The following ALX4 variants were observed in gnomAD, a reference collection of about 807,000 sequenced individuals.
The protein encoded by ALX4 is ALX homeobox 4.
A neutral mutation model predicts 40.6 loss-of-function variants in ALX4; 22 were observed. That is an observed-to-expected ratio of 0.54 (90% CI 0.39 to 0.77). The LOEUF (loss-of-function observed/expected upper bound fraction) is 0.77. Ranked by LOEUF, ALX4 falls within the 30% of genes least tolerant of loss-of-function variation. The pLI is 0.00. For synonymous variants in ALX4, 266 were observed against 240.5 expected (o/e 1.11, Z -0.98); for missense variants, 556 against 564.8 (o/e 0.98, Z 0.16).
intron 1 of ALX4, among the ~76,000 whole-genome samples, chr11:44,288,228 A>G (rs1590697567): frequency 6.6e-6 from 1 of 152,166 alleles, no homozygotes; most frequent in South Asian, 2.1e-4. Context: ...TATCGTATGC[A>G]TGTATATCAA....
At position 44,264,938 on chromosome 11, in the gene ALX4, G is replaced by A. The variant is rs549463745; in HGVS notation, c.1152C>T (p.Gly384=). 16 of 1,613,040 alleles carry A rather than the reference G, an allele frequency of 9.9e-6. No individual in the cohort carries two copies. In the East Asian group the frequency reaches 1.3e-4, roughly 13 times the overall value. Residue 384 remains glycine, a synonymous_variant, in exon 4 of 4, where the codon GGC becomes GGT. Coordinates refer to ENST00000652299, the MANE Select transcript of ALX4 (RefSeq NM_021926.4). The part of the protein sequence containing the change: ...SPGLNGYELN[G]EPDRKTSSIA... Reference sequence around the variant, plus strand: ...TGCTCGAGGTCTTGCGGTCCGGCTCGCCGTTGAGCTCGTAGCCATTGAGGC... The same window carrying A: ...TGCTCGAGGTCTTGCGGTCCGGCTCACCGTTGAGCTCGTAGCCATTGAGGC...
Position 44,261,449 on chromosome 11 carries a change from C to T in ALX4, c.*3405G>A, listed in dbSNP as rs7115841. 3,900 of 152,320 alleles carry T rather than the reference C, an allele frequency of 0.026. 62 individuals are homozygous for T. Among genetic ancestry groups the T allele is most frequent in the Middle Eastern group, 0.037 (11 of 294 alleles). The allele number at this position is 152,320 out of a possible 1,614,324, so 9.4% of individuals were successfully genotyped here. ...AGTGTCTTTGAGCTAACCTGGCCAC[C>T]GTGCTTCCCGAAGCTGGAGGCACGG... On this transcript the variant is annotated 3_prime_UTR_variant, in exon 4 of 4. Transcript: ENST00000652299.
At chr11:44,286,859 C>A (rs1318633774) in intron 1 of ALX4, among the ~76,000 whole-genome samples, 1 of 152,212 alleles carries the variant, frequency 6.6e-6, no homozygotes, top group Non-Finnish European at 1.5e-5. Context: ...TCACTAGTGA[C>A]TGAGTGACAG....
At chr11:44,283,174 G>A (rs1200446769) in intron 1 of ALX4, among the ~76,000 whole-genome samples, 1 of 150,912 alleles carries the variant, frequency 6.6e-6, no homozygotes, top group Non-Finnish European at 1.5e-5. Flanking sequence ...TTGAACACGG[G>A]AGGTGCAGAT....
intron 1 of ALX4, among the ~76,000 whole-genome samples, chr11:44,276,621 C>T (rs1956279675): frequency 1.3e-5 from 2 of 152,242 alleles, no homozygotes; most frequent in Non-Finnish European, 2.9e-5. Flanking sequence ...GACACACTCA[C>T]CTCCTGGCAG....
intron 3 of ALX4, among the ~76,000 whole-genome samples, chr11:44,266,652 A>G (rs1479830790): frequency 1.3e-5 from 2 of 152,184 alleles, no homozygotes; most frequent in African/African-American, 4.8e-5. Context: ...AGGCCATGCC[A>G]GAATGAGGCC....
chr11:44,275,267 G>T, intron 2 of ALX4, 81 bp downstream of exon 2: 1 of 1,467,416 alleles, frequency 6.8e-7, no homozygotes, highest in Non-Finnish European at 9.5e-7. Context: ...TTGGTGGGCA[G>T]TCAGGAGACC....
intron 1 of ALX4, among the ~76,000 whole-genome samples, chr11:44,283,047 G>A (rs1197942755): frequency 6.6e-6 from 1 of 152,124 alleles, no homozygotes; most frequent in Non-Finnish European, 1.5e-5. Context: ...AGGAGTTTGA[G>A]ACCAGCCTGG....
At chr11:44,271,773 C>T (rs1956248855) in intron 2 of ALX4, among the ~76,000 whole-genome samples, 1 of 152,158 alleles carries the variant, frequency 6.6e-6, no homozygotes, top group Non-Finnish European at 1.5e-5. Flanking sequence ...CTGAAAAATG[C>T]TCTGTGCGCC....
intron 2 of ALX4, among the ~76,000 whole-genome samples, chr11:44,270,088 G>A (rs1051414591): frequency 7.2e-5 from 11 of 152,164 alleles, no homozygotes; most frequent in African/African-American, 1.9e-4. Context: ...GGGCGGGGAG[G>A]GACCCCGAAG....
chr11:44,261,685 C>G lies in ALX4; in HGVS notation c.*3169G>C, dbSNP rs1956183247. The stretch of plus-strand genomic sequence containing the variant: ...TTGCCATGCTGAGACCTGTGCCCAG[C>G]AGGGACTGGAGGCTGTCAGTGTGGG... On this transcript the variant is annotated 3_prime_UTR_variant, in exon 4 of 4. Coordinates refer to ENST00000652299, the MANE Select transcript of ALX4 (RefSeq NM_021926.4). 6.6e-6 allele frequency: 1 copy of G among 152,234 alleles called. No homozygotes were observed. The highest frequency in any genetic ancestry group is 1.5e-5 in the Non-Finnish European group (1 of 68,062). 9.4% of individuals were successfully genotyped at this position (152,234 alleles called of 1,614,324 possible). A position where few individuals can be genotyped will look rare whatever the true frequency, so the allele number is the denominator to read the frequency against.
intron 2 of ALX4, among the ~76,000 whole-genome samples, chr11:44,273,934 CAG>C (rs1423566391): frequency 6.6e-6 from 1 of 152,030 alleles, no homozygotes; most frequent in African/African-American, 2.4e-5. Context: ...CGCTGGGTGA[CAG>C]AGAGAGACCC....
chr11:44,269,857 C>T (rs1332454382), intron 2 of ALX4, among the ~76,000 whole-genome samples: 4 of 152,230 alleles, frequency 2.6e-5, no homozygotes, highest in East Asian at 1.9e-4. Flanking sequence ...GGCTTAGCTC[C>T]GTCTTTCCGC....
In ALX4 at chr11:44,260,966, C is replaced by CT. The variant is rs1956178865; in HGVS notation, c.*3887dup. ...CCTTCAAAATCAGTAGTATAAAGGC[C>CT]TAGCTCTATGTGTGTGAGTGAAGAG... On this transcript the variant is annotated 3_prime_UTR_variant, in exon 4 of 4. Coordinates refer to ENST00000652299, the MANE Select transcript of ALX4 (RefSeq NM_021926.4). 1 of 152,116 alleles carries CT rather than the reference C, an allele frequency of 6.6e-6. No homozygotes were observed. Among genetic ancestry groups the CT allele is most frequent in the Non-Finnish European group, 1.5e-5 (1 of 68,028 alleles). 9.4% of individuals were successfully genotyped at this position (152,116 alleles called of 1,614,324 possible). A position where few individuals can be genotyped will look rare whatever the true frequency, so the allele number is the denominator to read the frequency against.
intron 1 of ALX4, among the ~76,000 whole-genome samples, chr11:44,287,395 C>T (rs1956345066): frequency 2.0e-5 from 3 of 152,068 alleles, no homozygotes; most frequent in Admixed American, 2.0e-4. Context: ...AGCCTCTTTA[C>T]AACCGCCAGG....
chr11:44,274,644 C>A (rs1389267867), intron 2 of ALX4, among the ~76,000 whole-genome samples: 1 of 147,760 alleles, frequency 6.8e-6, no homozygotes, highest in Non-Finnish European at 1.5e-5. Context: ...TTGGGTTGCA[C>A]TGAGTTGGGT....
intron 1 of ALX4, among the ~76,000 whole-genome samples, chr11:44,291,282 T>C (rs1227771043): frequency 1.3e-5 from 2 of 152,212 alleles, no homozygotes; most frequent in African/African-American, 4.8e-5. Context: ...CTTTAGACTG[T>C]GCCCTCACCA....
chr11:44,264,941 G>T lies in ALX4; in HGVS notation c.1149C>A (p.Asn383Lys). 1.9e-6 allele frequency: 3 copies of T among 1,613,060 alleles called. No homozygotes were observed. The highest frequency in any genetic ancestry group is 8.5e-7 in the Non-Finnish European group (1 of 1,179,940). The change falls in exon 4 of 4, where the codon AAC becomes AAA. Residue 383 changes from asparagine to lysine, a missense_variant. By Grantham distance (94) the Asn-to-Lys change is moderately conservative. Transcript: ENST00000652299. ...TCGAGGTCTTGCGGTCCGGCTCGCC[G>T]TTGAGCTCGTAGCCATTGAGGCCTG... is the stretch of plus-strand genomic sequence containing the variant. ...LSPGLNGYEL[N>K]GEPDRKTSSI...
chr11:44,278,679 G>C (rs1240043781), intron 1 of ALX4, among the ~76,000 whole-genome samples: 1 of 152,180 alleles, frequency 6.6e-6, no homozygotes, highest in Non-Finnish European at 1.5e-5. Context: ...GCCAAGAGTT[G>C]GGAGCCCTGG....
Sources: allele counts gnomAD v4.1 joint callset (sites outside exome capture counted in the v4.1 genomes callset), GRCh38; gene constraint gnomAD v4.1.1; transcripts MANE v1.5; gene names NCBI Gene and HGNC (gene_info 2026-07-23, HGNC 2026-07-21).